SLC14A2: variants seen among roughly 807,000 people sequenced by gnomAD.
SLC14A2 encodes solute carrier family 14 member 2.
Under a neutral mutation model 104.6 loss-of-function variants are expected in SLC14A2, and 91 were observed. The ratio of observed to expected loss-of-function variants is 0.87; its 90% CI spans 0.73 to 1.04. The LOEUF (loss-of-function observed/expected upper bound fraction) is 1.04, where lower values mean the gene tolerates loss of function less well. Among genes scored for constraint, SLC14A2 ranks in the 50% least tolerant of loss-of-function variants. SLC14A2 has a pLI of 0.00. For missense variants in SLC14A2, 1,189 were observed against 1,156.0 expected, an observed-to-expected ratio of 1.03 and a Z score of -0.41; for synonymous variants, 476 against 466.4, an observed-to-expected ratio of 1.02 and a Z score of -0.27.
chr18:45,195,039 A>G, the SLC14A2 span, among the ~76,000 whole-genome samples: 1 of 152,194 alleles, frequency 6.6e-6, no homozygotes. Flanking sequence ...CTTTCACCGC[A>G]CTTCCATAAA....
chr18:45,627,009 A>G lies in SLC14A2; in HGVS notation c.383A>G (p.Gln128Arg). The change falls in exon 4 of 20, where the codon CAG becomes CGG. Residue 128 changes from glutamine (Q) to arginine (R), a missense_variant. Coordinates refer to ENST00000255226, the MANE Select transcript of SLC14A2 (RefSeq NM_007163.4). ...GACTGGGTCCTGAGAGGGACCGCTCAGGTGATGTTCATCAACAATCCTCTC... is the reference window on the plus strand; with the variant it reads ...GACTGGGTCCTGAGAGGGACCGCTCGGGTGATGTTCATCAACAATCCTCTC... ...FIDWVLRGTA[Q>R]VMFINNPLSG... is the part of the protein sequence containing the mutation. 2 of 1,612,954 alleles carry G rather than the reference A, an allele frequency of 1.2e-6. No homozygotes were observed. The highest frequency in any genetic ancestry group is 1.7e-6 in the Non-Finnish European group (2 of 1,179,978).
At chr18:45,241,459 A>G (rs2084314829) in intron 1 of SLC14A2, among the ~76,000 whole-genome samples, 1 of 152,114 alleles carries the variant, frequency 6.6e-6, no homozygotes, top group Non-Finnish European at 1.5e-5. Context: ...TTTGTAGATA[A>G]GAAACCACTT....
chr18:45,268,084 T>C (rs1215267018), intron 1 of SLC14A2, among the ~76,000 whole-genome samples: 2 of 152,154 alleles, frequency 1.3e-5, no homozygotes, highest in Non-Finnish European at 2.9e-5. Flanking sequence ...TTCATGCCCA[T>C]TAATCATGTC....
chr18:45,449,507 T>G (rs1159211573), intron 1 of SLC14A2, among the ~76,000 whole-genome samples: 1 of 152,152 alleles, frequency 6.6e-6, no homozygotes, highest in Admixed American at 6.6e-5. Flanking sequence ...AGTCTCCTTT[T>G]CCTACATCTT....
At chr18:45,671,005 T>G (rs1319416363) in intron 16 of SLC14A2, among the ~76,000 whole-genome samples, 1 of 152,170 alleles carries the variant, frequency 6.6e-6, no homozygotes, top group African/African-American at 2.4e-5. Flanking sequence ...ATTTTGTGTG[T>G]GTGAGGACCT....
At chr18:45,339,935 C>T (rs2085376847) in intron 1 of SLC14A2, among the ~76,000 whole-genome samples, 1 of 152,202 alleles carries the variant, frequency 6.6e-6, no homozygotes, top group Admixed American at 6.5e-5. Context: ...TCGCTGTGGT[C>T]ATGGGATTAA....
the SLC14A2 span, among the ~76,000 whole-genome samples, chr18:45,204,409 G>GC: frequency 1.3e-5 from 2 of 152,166 alleles, no homozygotes; most frequent in African/African-American, 2.4e-5. Context: ...GCTGGCTTGT[G>GC]CGATCCCTGT....
intron 1 of SLC14A2, among the ~76,000 whole-genome samples, chr18:45,385,742 T>C (rs1284620952): frequency 6.6e-6 from 1 of 152,152 alleles, no homozygotes; most frequent in African/African-American, 2.4e-5. Context: ...TGACATTGAT[T>C]AGGACTGACT....
At chr18:45,678,099 G>T (rs936167562) in intron 18 of SLC14A2, among the ~76,000 whole-genome samples, 2 of 152,036 alleles carry the variant, frequency 1.3e-5, no homozygotes, top group Non-Finnish European at 2.9e-5. Flanking sequence ...GATTACAGAC[G>T]TGAGCCGCCA....
chr18:45,340,526 G>A (rs964970832), intron 1 of SLC14A2, among the ~76,000 whole-genome samples: 3 of 152,130 alleles, frequency 2.0e-5, no homozygotes, highest in African/African-American at 4.8e-5. Context: ...ATATTCAATC[G>A]GAGTCCATCA....
chr18:45,268,964 T>TTGTG (rs3050837), intron 1 of SLC14A2, among the ~76,000 whole-genome samples: 34 of 143,556 alleles, frequency 2.4e-4, no homozygotes, highest in East Asian at 6.1e-4. Context: ...GTTGGTGTGT[T>TTGTG]TGTGTGTGTG....
intron 2 of SLC14A2, among the ~76,000 whole-genome samples, chr18:45,497,946 G>C (rs1320242452): frequency 6.6e-6 from 1 of 152,192 alleles, no homozygotes; most frequent in Non-Finnish European, 1.5e-5. Context: ...TGCAGGAGGA[G>C]AGCAAGGGGA....
intron 1 of SLC14A2, among the ~76,000 whole-genome samples, chr18:45,618,370 G>A (rs1265960875): frequency 2.0e-5 from 3 of 152,030 alleles, no homozygotes; most frequent in African/African-American, 7.2e-5. Flanking sequence ...AACTGAGTTG[G>A]TTAGAAGATG....
At chr18:45,542,034 G>GGTTT (rs2043891270) in intron 2 of SLC14A2, among the ~76,000 whole-genome samples, 4 of 62,534 alleles carry the variant, frequency 6.4e-5, no homozygotes, top group Non-Finnish European at 1.4e-4. Context: ...AAAGAGAGAG[G>GGTTT]GTTTTTTTTT....
At chr18:45,289,899 T>C (rs543567798) in intron 1 of SLC14A2, among the ~76,000 whole-genome samples, 11 of 152,310 alleles carry the variant, frequency 7.2e-5, no homozygotes, top group African/African-American at 2.6e-4. Context: ...AGTGGCCTGA[T>C]AGATGAGTTG....
At chr18:45,556,030 C>G (rs1253386671) in intron 2 of SLC14A2, among the ~76,000 whole-genome samples, 2 of 152,144 alleles carry the variant, frequency 1.3e-5, no homozygotes, top group Non-Finnish European at 2.9e-5. Flanking sequence ...ATTCTGAAAG[C>G]TGGAAGTCCA....
chr18:45,212,514 T>C (rs2083969969), upstream of SLC14A2, among the ~76,000 whole-genome samples: 1 of 152,202 alleles, frequency 6.6e-6, no homozygotes, highest in South Asian at 2.1e-4. Context: ...AGGTCTGGCA[T>C]ACAGTACGCG....
intron 2 of SLC14A2, among the ~76,000 whole-genome samples, chr18:45,608,958 G>T (rs1193749545): frequency 2.0e-5 from 3 of 152,190 alleles, no homozygotes; most frequent in Non-Finnish European, 4.4e-5. Context: ...AAGTCTAGCT[G>T]GTTTGCCAGG....
chr18:45,374,562 G>C (rs1402921853), intron 1 of SLC14A2, among the ~76,000 whole-genome samples: 2 of 139,108 alleles, frequency 1.4e-5, no homozygotes, highest in African/African-American at 5.4e-5. Context: ...TCAGATAAAA[G>C]ATAAGGAGTC....
Sources: gnomAD v4.1 joint callset for allele counts (sites outside exome capture counted in the v4.1 genomes callset) on GRCh38, gnomAD v4.1.1 for gene constraint, MANE v1.5 for transcripts, NCBI Gene and HGNC (gene_info 2026-07-23, HGNC 2026-07-21) for gene names.